The following TRPM6 variants were observed in gnomAD, a reference collection of about 807,000 sequenced individuals.
TRPM6 encodes channel kinase 2.
TRPM6 carries 111 observed loss-of-function variants against 247.6 expected under a neutral mutation model. The ratio of observed to expected loss-of-function variants is 0.45; its 90% CI spans 0.38 to 0.52. TRPM6 has a LOEUF of 0.52. Ranked by LOEUF, TRPM6 falls within the 20% of genes least tolerant of loss-of-function variation. TRPM6 has a pLI of 0.00. For missense variants in TRPM6, 2,126 were observed against 2,421.5 expected (o/e 0.88, Z 2.56); for synonymous variants, 892 against 853.8 (o/e 1.04, Z -0.78).
chr9:74,741,660 C>T (rs1415337916), intron 33 of TRPM6, among the ~76,000 whole-genome samples: 3 of 151,964 alleles, frequency 2.0e-5, no homozygotes, highest in African/African-American at 2.4e-5. Context: ...GAGTCTGGGG[C>T]GGGTAGATCA....
At chr9:74,825,483 GTA>G (rs1197822109) in intron 7 of TRPM6, among the ~76,000 whole-genome samples, 3 of 149,156 alleles carry the variant, frequency 2.0e-5, no homozygotes, top group Non-Finnish European at 4.5e-5. Context: ...GTGTGTGTGT[GTA>G]TGTGTGTGTG....
chr9:74,841,456 C>G (rs1450819055), intron 4 of TRPM6, among the ~76,000 whole-genome samples: 1 of 152,130 alleles, frequency 6.6e-6, no homozygotes, highest in East Asian at 1.9e-4. Context: ...ATATGATCCT[C>G]CAGAACATGA....
intron 6 of TRPM6, among the ~76,000 whole-genome samples, chr9:74,830,089 C>A (rs1829490628): frequency 6.6e-6 from 1 of 151,932 alleles, no homozygotes; most frequent in South Asian, 2.1e-4. Flanking sequence ...TATGATCATG[C>A]CATTGTACTT....
chr9:74,777,629 T>A (rs1827269608), intron 23 of TRPM6, among the ~76,000 whole-genome samples: 1 of 152,170 alleles, frequency 6.6e-6, no homozygotes, highest in African/African-American at 2.4e-5. Flanking sequence ...TCTCCCCACA[T>A]CAGAGTGGTT....
At chr9:74,840,944 G>T (rs1357732099) in intron 4 of TRPM6, among the ~76,000 whole-genome samples, 1 of 151,812 alleles carries the variant, frequency 6.6e-6, no homozygotes, top group Non-Finnish European at 1.5e-5. Flanking sequence ...ATAACAAATA[G>T]GTGAAATGGG....
chr9:74,834,013 G>A lies in TRPM6; in HGVS notation c.654C>T (p.Asp218=). Residue 218 remains aspartate, a synonymous_variant, in exon 6 of 39, where the codon GAC becomes GAT. Transcript: ENST00000360774. ...PPWGVIENQR[D]LIGKDVVCLY... ...GTCTACTTACATCTTTTCCAATAAGGTCTCTCTGGTTCTCAATGACACCCC... is the reference window on the plus strand; with the variant it reads ...GTCTACTTACATCTTTTCCAATAAGATCTCTCTGGTTCTCAATGACACCCC... The A allele has an allele frequency of 2.5e-6, 4 of 1,614,012 alleles. No individual in the cohort carries two copies. The highest frequency in any genetic ancestry group is 3.4e-6 in the Non-Finnish European group (4 of 1,179,960).
chr9:74,781,036 G>C (rs561306572), intron 23 of TRPM6, among the ~76,000 whole-genome samples: 1 of 152,246 alleles, frequency 6.6e-6, no homozygotes, highest in African/African-American at 2.4e-5. Context: ...GGGGCCAGTT[G>C]GATCTCCATG....
intron 21 of TRPM6, among the ~76,000 whole-genome samples, chr9:74,784,085 G>T (rs774986817): frequency 6.6e-6 from 1 of 151,872 alleles, no homozygotes; most frequent in Non-Finnish European, 1.5e-5. Context: ...GTGAAACCCC[G>T]TCTCTACTAA....
chr9:74,780,622 T>G (rs1238416519), intron 23 of TRPM6, among the ~76,000 whole-genome samples: 1 of 152,094 alleles, frequency 6.6e-6, no homozygotes, highest in Non-Finnish European at 1.5e-5. Context: ...TGGACTACTG[T>G]GTTGAGAAAA....
In TRPM6 at chr9:74,797,432, C is replaced by T. The variant is rs141491011; in HGVS notation, c.2239-539G>A. ...TCCATATAACCTATGCACATCCTAC[C>T]CTATACTTTAAAGCATCTCTAAATT... On this transcript the variant is annotated intron_variant, in intron 17 of 38. Transcript: ENST00000360774. Among the ~76,000 whole-genome samples the T allele has an allele frequency of 8.1e-4, 123 of 152,160 alleles. 4 individuals carry two copies. The East Asian group carries it at 0.022, about 28-fold the overall frequency.
intron 37 of TRPM6, among the ~76,000 whole-genome samples, chr9:74,729,489 C>G (rs780034885): frequency 6.6e-6 from 1 of 152,046 alleles, no homozygotes; most frequent in Non-Finnish European, 1.5e-5. Context: ...TGCTCCGAGG[C>G]GAGTAGGTGG....
intron 15 of TRPM6, among the ~76,000 whole-genome samples, chr9:74,803,325 CATT>C (rs1828411441): frequency 6.6e-6 from 1 of 151,644 alleles, no homozygotes; most frequent in Admixed American, 6.6e-5. Context: ...CACTCATCAT[CATT>C]GTCATACTGT....
intron 1 of TRPM6, among the ~76,000 whole-genome samples, chr9:74,881,734 T>G (rs1346466029): frequency 2.6e-5 from 4 of 152,150 alleles, no homozygotes; most frequent in Non-Finnish European, 5.9e-5. Flanking sequence ...ATCATGTATC[T>G]TCTCAGACCA....
intron 3 of TRPM6, among the ~76,000 whole-genome samples, chr9:74,843,303 C>T (rs1830003982): frequency 6.6e-6 from 1 of 152,146 alleles, no homozygotes; most frequent in African/African-American, 2.4e-5. Context: ...AAGTCTTGAA[C>T]CCCTCAAAGT....
intron 1 of TRPM6, chr9:74,887,562 T>C: frequency 1.4e-6 from 2 of 1,431,476 alleles, no homozygotes; most frequent in Non-Finnish European, 1.9e-6. Context: ...TGACACCACC[T>C]CCGCTATGGC....
intron 19 of TRPM6, among the ~76,000 whole-genome samples, chr9:74,791,271 A>C (rs1464073092): frequency 6.6e-6 from 1 of 152,234 alleles, no homozygotes; most frequent in African/African-American, 2.4e-5. Context: ...AATCATACAC[A>C]GCTACGTACT....
rs541011328 is a variant in TRPM6, at chr9:74,762,552, C to T, written c.4119G>A (p.Leu1373=). The change falls in exon 26 of 39, where the codon CTG becomes CTA. Residue 1373 remains leucine (L), a synonymous_variant. Transcript: ENST00000360774. ...PLSRPSVPDV[L]ATEQDIQTEV... Reference sequence around the variant, plus strand: ...CAGTCTGGATGTCCTGTTCAGTTGCCAGCACATCTGGCACAGAGGGTCTGG... The same window carrying T: ...CAGTCTGGATGTCCTGTTCAGTTGCTAGCACATCTGGCACAGAGGGTCTGG... 5.6e-6 allele frequency: 9 copies of T among 1,614,060 alleles called. No homozygotes were observed. Among genetic ancestry groups the T allele is most frequent in the Non-Finnish European group, 7.6e-6 (9 of 1,180,046 alleles).
At chr9:74,780,496 G>A (rs1827400210) in intron 23 of TRPM6, among the ~76,000 whole-genome samples, 1 of 151,958 alleles carries the variant, frequency 6.6e-6, no homozygotes, top group Non-Finnish European at 1.5e-5. Flanking sequence ...AACTCACATG[G>A]GGCCATATAA....
intron 36 of TRPM6, among the ~76,000 whole-genome samples, chr9:74,735,517 G>A (rs140095602): frequency 1.3e-3 from 199 of 152,086 alleles, no homozygotes; most frequent in African/African-American, 3.7e-3. Flanking sequence ...TGATGATGTC[G>A]ATGCCAATGC....
Sources: allele counts gnomAD v4.1 joint callset (sites outside exome capture counted in the v4.1 genomes callset), GRCh38; gene constraint gnomAD v4.1.1; transcripts MANE v1.5; gene names NCBI Gene and HGNC (gene_info 2026-07-23, HGNC 2026-07-21).